C1orf94: variants seen among roughly 807,000 people sequenced by gnomAD.
The protein encoded by C1orf94 is uncharacterized protein C1orf94.
Under a neutral mutation model 53.6 loss-of-function variants are expected in C1orf94, and 45 were observed. The ratio of observed to expected loss-of-function variants is 0.84; its 90% confidence interval spans 0.66 to 1.08. The LOEUF (loss-of-function observed/expected upper bound fraction) is 1.08. C1orf94 is among the 50% of genes least tolerant of loss of function. The pLI, the probability that C1orf94 is intolerant of heterozygous loss-of-function variation, is 0.00. For synonymous variants in C1orf94, 304 were observed against 296.1 expected, an observed-to-expected ratio of 1.03 and a Z score of -0.27; for missense variants, 762 against 738.9, an observed-to-expected ratio of 1.03 and a Z score of -0.36.
rs754716272 is a variant in C1orf94 at position 34,218,748 on chromosome 1, G to A, written c.1784G>A (p.Gly595Asp). The A allele has an allele frequency of 1.9e-6, 3 of 1,612,100 alleles. No individual in the cohort carries two copies. Among genetic ancestry groups the A allele is most frequent in the Admixed American group, 3.3e-5 (2 of 59,976 alleles). The change falls in exon 7 of 7, where the codon GGC becomes GAC. Residue 595 changes from glycine (G) to aspartate (D), a missense_variant. Gly to Asp is a moderately conservative substitution (Grantham distance 94, BLOSUM62 -1). Transcript: ENST00000488417. The stretch of plus-strand genomic sequence containing the variant: ...CCCTATTTTTCTTCCAGTGGGAATG[G>A]CATAAACTTTTAGATCTCCTCTTCT... ...HSPYFSSSGN[G>D]INF
At chr1:34,175,256 G>A (rs895317642), upstream of C1orf94, among the ~76,000 whole-genome samples, 3 of 151,512 alleles carry the variant, frequency 2.0e-5, no homozygotes, top group Non-Finnish European at 4.4e-5. Flanking sequence ...TCCTGCTGAG[G>A]GGGAGAGGGA....
chr1:34,169,608 AGAGAGAGAGAGAGAGAGAGAGAGAGAGT>A (rs1642110483), intron 1 of C1orf94, among the ~76,000 whole-genome samples: 1 of 95,812 alleles, frequency 1.0e-5, no homozygotes, highest in Non-Finnish European at 2.3e-5. Context: ...AGAGAGAGAG[AGAGAGAGAGAGAGAGAGAGAGAGAGAGT>A]GAGCAAATGG....
intron 4 of C1orf94, among the ~76,000 whole-genome samples, chr1:34,206,983 G>T (rs1642805538): frequency 2.6e-5 from 4 of 152,184 alleles, no homozygotes; most frequent in African/African-American, 9.7e-5. Flanking sequence ...AGCAGGAGGA[G>T]AGCAGGGAGA....
intron 2 of C1orf94, 35 bp from the exon 3 acceptor site, chr1:34,200,737 C>T: frequency 6.2e-7 from 1 of 1,611,672 alleles, no homozygotes; most frequent in Non-Finnish European, 8.5e-7. Flanking sequence ...ACTTGGCCTT[C>T]CAGAGGCATT....
At chr1:34,209,665 G>A (rs1415421887) in intron 5 of C1orf94, among the ~76,000 whole-genome samples, 1 of 152,134 alleles carries the variant, frequency 6.6e-6, no homozygotes, top group Non-Finnish European at 1.5e-5. Flanking sequence ...GTAGGGAAGA[G>A]CCTGCAGGGG....
chr1:34,211,309 C>T (rs986292223), intron 5 of C1orf94, among the ~76,000 whole-genome samples: 7 of 152,046 alleles, frequency 4.6e-5, no homozygotes, highest in Non-Finnish European at 7.3e-5. Flanking sequence ...ATTCATTTAA[C>T]ATATGTTTGT....
intron 1 of C1orf94, among the ~76,000 whole-genome samples, chr1:34,179,223 T>C (rs1357610472): frequency 6.6e-6 from 1 of 152,258 alleles, no homozygotes; most frequent in African/African-American, 2.4e-5. Context: ...GCACTTTGGC[T>C]AGTCCTGCCT....
intron 4 of C1orf94, among the ~76,000 whole-genome samples, chr1:34,205,427 C>T (rs297805): frequency 0.34 from 52,360 of 152,086 alleles, 10,880 homozygotes; most frequent in African/African-American, 0.59. Flanking sequence ...GGTTTTGAAA[C>T]CAGTAGACTT....
chr1:34,176,300 C>T (rs1642225080), upstream of C1orf94, among the ~76,000 whole-genome samples: 1 of 152,132 alleles, frequency 6.6e-6, no homozygotes, highest in African/African-American at 2.4e-5. Flanking sequence ...TCTTGCTTTT[C>T]CTTTTCAGGG....
intron 1 of C1orf94, among the ~76,000 whole-genome samples, chr1:34,185,625 C>T (rs1332904261): frequency 6.6e-6 from 1 of 152,190 alleles, no homozygotes; most frequent in Non-Finnish European, 1.5e-5. Flanking sequence ...TCCTGGCAGT[C>T]CCCCTTCATG....
At chr1:34,191,995 G>A (rs1263779807) in intron 1 of C1orf94, among the ~76,000 whole-genome samples, 1 of 152,182 alleles carries the variant, frequency 6.6e-6, no homozygotes, top group Non-Finnish European at 1.5e-5. Flanking sequence ...ACCGCGTGGA[G>A]CTGGAGCCGC....
chr1:34,212,406 G>A lies in C1orf94; in HGVS notation c.1721G>A (p.Gly574Glu). ...GPQYLFPQGY[G>E]FGSTSGGPLM... ...CAGTACCTCTTTCCCCAAGGATATGGGTGAGTCAGCCCACACTGGGAGCCT... is the reference window on the plus strand; with the variant it reads ...CAGTACCTCTTTCCCCAAGGATATGAGTGAGTCAGCCCACACTGGGAGCCT... Residue 574 changes from glycine (G) to glutamate (E), a missense_variant and splice_region_variant, in exon 6 of 7, where the codon GGG (glycine) becomes GAG (glutamate). Gly to Glu is a moderately conservative substitution (Grantham distance 98, BLOSUM62 -2). Transcript: ENST00000488417. The A allele has an allele frequency of 6.2e-7, 1 of 1,609,508 alleles. No individual in the cohort carries two copies. Among genetic ancestry groups the A allele is most frequent in the Non-Finnish European group, 8.5e-7 (1 of 1,177,754 alleles).
chr1:34,189,284 A>G (rs556107902), intron 1 of C1orf94, among the ~76,000 whole-genome samples: 9 of 151,478 alleles, frequency 5.9e-5, no homozygotes, highest in African/African-American at 1.7e-4. Flanking sequence ...GAATGTGTGT[A>G]TGTGTGCATA....
In C1orf94 at chr1:34,202,186, A is replaced by G; in HGVS notation, c.1373A>G (p.Gln458Arg). ...GCCATGACCTCAGCAACCCTGAACC[A>G]GCCACTCTGGCTCAACCTGAACTAT... Reference protein sequence around the residue: ...PTAMTSATLNQPLWLNLNYPP... With the variant: ...PTAMTSATLNRPLWLNLNYPP... Residue 458 changes from glutamine (Q) to arginine (R), a missense_variant, in exon 4 of 7, where the codon CAG becomes CGG. Physicochemically the swap from Gln to Arg is conservative, Grantham distance 43 (BLOSUM62 1). Transcript: ENST00000488417. The G allele has an allele frequency of 6.2e-7, 1 of 1,614,218 alleles. No homozygotes were observed. Among genetic ancestry groups the G allele is most frequent in the Non-Finnish European group, 8.5e-7 (1 of 1,180,036 alleles).
At chr1:34,182,736 A>C (rs1052723565) in intron 1 of C1orf94, among the ~76,000 whole-genome samples, 3 of 152,194 alleles carry the variant, frequency 2.0e-5, no homozygotes, top group African/African-American at 7.2e-5. Context: ...ATCACTATCA[A>C]TGTGACTGGG....
At chr1:34,207,273 G>A (rs955399528) in intron 4 of C1orf94, among the ~76,000 whole-genome samples, 3 of 79,886 alleles carry the variant, frequency 3.8e-5, no homozygotes, top group Admixed American at 3.4e-4. Context: ...GTGTGTGTGT[G>A]TGTGTGTGTG....
chr1:34,212,919 A>T (rs2148623330), intron 6 of C1orf94, among the ~76,000 whole-genome samples: 1 of 152,332 alleles, frequency 6.6e-6, no homozygotes, highest in Non-Finnish European at 1.5e-5. Context: ...CCCAAACTGC[A>T]GAGGCAAGGA....
chr1:34,167,591 C>G (rs1315970062), intron 1 of C1orf94, among the ~76,000 whole-genome samples: 2 of 151,416 alleles, frequency 1.3e-5, no homozygotes, highest in Non-Finnish European at 2.9e-5. Context: ...CTATTTGGGT[C>G]CACGTGCTTT....
intron 1 of C1orf94, among the ~76,000 whole-genome samples, chr1:34,182,840 A>G (rs1332654780): frequency 6.6e-6 from 1 of 152,170 alleles, no homozygotes; most frequent in African/African-American, 2.4e-5. Flanking sequence ...CTCTGAAGTA[A>G]TTCCCCAAAT....
Sources: allele counts gnomAD v4.1 joint callset (sites outside exome capture counted in the v4.1 genomes callset), GRCh38; gene constraint gnomAD v4.1.1; transcripts MANE v1.5; gene names NCBI Gene and HGNC (gene_info 2026-07-23, HGNC 2026-07-21).